Variants in FAM3C observed in about 807,000 individuals in gnomAD.
FAM3C encodes FAM3 metabolism regulating signaling molecule C.
FAM3C carries 15 observed loss-of-function variants against 32.5 expected under a neutral mutation model. The ratio of observed to expected loss-of-function variants is 0.46; its 90% CI spans 0.31 to 0.71. The LOEUF is 0.71. Ranked by LOEUF, FAM3C falls within the 30% of genes least tolerant of loss-of-function variation. The pLI is 0.05. For synonymous variants in FAM3C, 75 were observed against 86.1 expected (o/e 0.87, Z 0.72); for missense variants, 175 against 274.4 (o/e 0.64, Z 2.56).
In FAM3C at chr7:121,382,940, T is replaced by C; in HGVS notation, c.13+17A>G. On this transcript the variant is annotated intron_variant, in intron 2 of 9. Coordinates refer to ENST00000359943, the MANE Select transcript of FAM3C (RefSeq NM_014888.3). ...ACACAAAAAGTACAATTACTTCTAC[T>C]AAATTAAATATCTTACCTGCTACCC... 6.3e-7 allele frequency: 1 copy of C among 1,584,282 alleles called. No homozygotes were observed. The highest frequency in any genetic ancestry group is 8.6e-7 in the Non-Finnish European group (1 of 1,157,334).
chr7:121,389,368 A>C (rs1398678997), intron 1 of FAM3C, among the ~76,000 whole-genome samples: 3 of 152,164 alleles, frequency 2.0e-5, no homozygotes, highest in African/African-American at 4.8e-5. Context: ...GGAGCTAAAA[A>C]CTAAATGGAT....
At chr7:121,355,988 A>C (rs1281680023) in intron 8 of FAM3C, among the ~76,000 whole-genome samples, 1 of 152,102 alleles carries the variant, frequency 6.6e-6, no homozygotes, top group African/African-American at 2.4e-5. Context: ...ATTTAGGTTA[A>C]ACAAAATCAA....
At chr7:121,383,112 C>A in intron 1 of FAM3C, 102 bp from the exon 2 acceptor site, 9 of 560,702 alleles carry the variant, frequency 1.6e-5, no homozygotes, top group South Asian at 8.0e-5. Context: ...AATTTTATGA[C>A]ATTTCTAAGT....
intron 1 of FAM3C, among the ~76,000 whole-genome samples, chr7:121,384,837 A>G (rs576997930): frequency 5.3e-4 from 81 of 152,366 alleles, no homozygotes; most frequent in African/African-American, 1.9e-3. Flanking sequence ...CAAATTAATG[A>G]TTCAAGAATC....
intron 5 of FAM3C, chr7:121,364,509 T>C (rs1793985807): frequency 9.4e-6 from 2 of 212,474 alleles, no homozygotes; most frequent in Non-Finnish European, 1.8e-5. Context: ...TTCTGCATCA[T>C]TCTTAAGGTA....
At chr7:121,373,252 G>A (rs1295175419) in intron 3 of FAM3C, among the ~76,000 whole-genome samples, 2 of 151,990 alleles carry the variant, frequency 1.3e-5, no homozygotes. Context: ...AACAGTAAGG[G>A]GAGTAGATAC....
chr7:121,361,437 TAGA>T (rs1299211765), intron 7 of FAM3C, among the ~76,000 whole-genome samples: 1 of 152,234 alleles, frequency 6.6e-6, no homozygotes, highest in Non-Finnish European at 1.5e-5. Context: ...ATTTCCTAAC[TAGA>T]AGAATGCTGC....
chr7:121,381,376 T>C (rs1039887912), intron 2 of FAM3C, among the ~76,000 whole-genome samples: 1 of 152,186 alleles, frequency 6.6e-6, no homozygotes, highest in African/African-American at 2.4e-5. Context: ...ATTGTCCTTA[T>C]TCATTCATTC....
At position 121,357,096 on chromosome 7, in the gene FAM3C, A is replaced by T. The variant is rs190370592; in HGVS notation, c.467+2947T>A. 1.2e-3 allele frequency among the ~76,000 whole-genome samples: 185 copies of T among 152,322 alleles called. 1 individual carries two copies. Among genetic ancestry groups the T allele is most frequent in the Non-Finnish European group, 1.3e-4 (9 of 68,016 alleles). The stretch of plus-strand genomic sequence containing the variant: ...ACCATTATATGTACTTGTAAAGGAC[A>T]GGGGTTCTACCAAACACACTCTGGG... On this transcript the variant is annotated intron_variant, in intron 8 of 9. Coordinates refer to ENST00000359943, the MANE Select transcript of FAM3C (RefSeq NM_014888.3).
intron 5 of FAM3C, 22 bp downstream of exon 5, chr7:121,371,278 T>C (rs1292860279): frequency 6.2e-7 from 1 of 1,611,522 alleles, no homozygotes; most frequent in Admixed American, 1.7e-5. Flanking sequence ...CACCTTATCG[T>C]CTCAAGTCAA....
At chr7:121,394,030 G>A (rs1794634139) in intron 1 of FAM3C, among the ~76,000 whole-genome samples, 1 of 152,096 alleles carries the variant, frequency 6.6e-6, no homozygotes, top group South Asian at 2.1e-4. Flanking sequence ...TTTAAGAAAT[G>A]GGCATAAAAA....
chr7:121,381,074 C>T (rs994982415), intron 2 of FAM3C, among the ~76,000 whole-genome samples: 2 of 152,120 alleles, frequency 1.3e-5, no homozygotes, highest in South Asian at 4.1e-4. Flanking sequence ...TTACAGAGAT[C>T]GCCCCCAAAG....
chr7:121,386,392 A>T (rs1483579361), intron 1 of FAM3C, among the ~76,000 whole-genome samples: 6 of 152,084 alleles, frequency 3.9e-5, no homozygotes, highest in Admixed American at 3.9e-4. Flanking sequence ...TCTAATAAGT[A>T]AGGGAGAATT....
intron 3 of FAM3C, among the ~76,000 whole-genome samples, chr7:121,375,305 GC>G (rs1230257291): frequency 6.6e-6 from 1 of 152,118 alleles, no homozygotes; most frequent in African/African-American, 2.4e-5. Flanking sequence ...ACCAGGACGA[GC>G]AAAGGTCAGG....
chr7:121,361,287 T>C (rs992368671), intron 7 of FAM3C, among the ~76,000 whole-genome samples: 1 of 152,212 alleles, frequency 6.6e-6, no homozygotes, highest in Admixed American at 6.5e-5. Flanking sequence ...GTACTCAGTT[T>C]CTTTCCACAG....
At chr7:121,376,317 G>A (rs2116930481) in intron 3 of FAM3C, among the ~76,000 whole-genome samples, 1 of 152,316 alleles carries the variant, frequency 6.6e-6, no homozygotes, top group East Asian at 1.9e-4. Context: ...TGGAAAAGAT[G>A]AAAACTTGTA....
At chr7:121,364,063 T>G in intron 6 of FAM3C, 67 bp downstream of exon 6, 1 of 1,011,624 alleles carries the variant, frequency 9.9e-7, no homozygotes, top group Non-Finnish European at 1.6e-6. Flanking sequence ...CCTCTGATAG[T>G]GCATTTTACT....
chr7:121,375,428 G>C (rs1404475546), intron 3 of FAM3C, among the ~76,000 whole-genome samples: 1 of 152,172 alleles, frequency 6.6e-6, no homozygotes, highest in East Asian at 1.9e-4. Context: ...CAGGCTGGGG[G>C]ATTTGGGTGC....
intron 1 of FAM3C, among the ~76,000 whole-genome samples, chr7:121,393,403 A>T (rs1446041800): frequency 6.6e-6 from 1 of 152,138 alleles, no homozygotes; most frequent in East Asian, 1.9e-4. Flanking sequence ...ACACCACTGC[A>T]CTCCAGTCTG....
Sources: allele counts gnomAD v4.1 joint callset (sites outside exome capture counted in the v4.1 genomes callset), GRCh38; gene constraint gnomAD v4.1.1; transcripts MANE v1.5; gene names NCBI Gene and HGNC (gene_info 2026-07-23, HGNC 2026-07-21).